The following ADAM29 variants were observed in gnomAD, a reference collection of about 807,000 sequenced individuals.
The protein encoded by ADAM29 is ADAM metallopeptidase domain 29.
For synonymous variants in ADAM29, 367 were observed against 342.3 expected (o/e 1.07, Z -0.80); for missense variants, 969 against 1,001.8 (o/e 0.97, Z 0.44).
chr4:174,963,069 A>T (rs964276699), intron 4 of ADAM29, among the ~76,000 whole-genome samples: 12 of 152,202 alleles, frequency 7.9e-5, no homozygotes, highest in Admixed American at 7.2e-4. Flanking sequence ...AGGTAGTCTC[A>T]TTAAAATACT....
chr4:174,959,968 A>T (rs1745714971), intron 4 of ADAM29, among the ~76,000 whole-genome samples: 1 of 152,004 alleles, frequency 6.6e-6, no homozygotes, highest in Non-Finnish European at 1.5e-5. Context: ...TCTTTGTAAC[A>T]ATGATTTTTA....
intron 4 of ADAM29, among the ~76,000 whole-genome samples, chr4:174,940,895 G>T (rs1354593793): frequency 1.3e-5 from 2 of 152,124 alleles, no homozygotes; most frequent in African/African-American, 4.8e-5. Flanking sequence ...TTTTAGCATG[G>T]TGCATAACCA....
chr4:174,936,451 C>T (rs1161833301), intron 3 of ADAM29, among the ~76,000 whole-genome samples: 2 of 151,904 alleles, frequency 1.3e-5, no homozygotes, highest in African/African-American at 4.8e-5. Flanking sequence ...GCAGAATATA[C>T]CATTTCCTAA....
chr4:174,938,798 C>T (rs951021148), intron 4 of ADAM29, among the ~76,000 whole-genome samples: 13 of 152,092 alleles, frequency 8.5e-5, no homozygotes, highest in African/African-American at 3.1e-4. Flanking sequence ...TTCATTCTCC[C>T]AAAATGTTGG....
intron 4 of ADAM29, among the ~76,000 whole-genome samples, chr4:174,955,709 A>T (rs1215171080): frequency 6.6e-6 from 1 of 152,082 alleles, no homozygotes; most frequent in Non-Finnish European, 1.5e-5. Context: ...TTGAAAAAAG[A>T]TCAAATATGT....
intron 4 of ADAM29, among the ~76,000 whole-genome samples, chr4:174,965,689 G>GTTTGCCTACCAT (rs1746118087): frequency 6.6e-6 from 1 of 152,010 alleles, no homozygotes; most frequent in Non-Finnish European, 1.5e-5. Flanking sequence ...TAAAAAAATG[G>GTTTGCCTACCAT]TTTGCCTACC....
At chr4:174,931,239 G>C (rs1254748836) in intron 3 of ADAM29, 65 bp downstream of exon 3, 2 of 152,142 alleles carry the variant, frequency 1.3e-5, no homozygotes, top group Non-Finnish European at 2.9e-5. Flanking sequence ...GCCAACACTG[G>C]CATGTGCGCA....
chr4:174,929,430 C>T (rs1410750204), intron 2 of ADAM29, among the ~76,000 whole-genome samples: 2 of 151,990 alleles, frequency 1.3e-5, no homozygotes, highest in African/African-American at 2.4e-5. Flanking sequence ...CACACAGCTA[C>T]GAAAATTTAG....
rs1377980641 is a variant in ADAM29, at chr4:174,976,698, A to C, written c.1173A>C (p.Thr391=). The C allele has an allele frequency of 6.2e-7, 1 of 1,613,956 alleles. No homozygotes were observed. The highest frequency in any genetic ancestry group is 8.5e-7 in the Non-Finnish European group (1 of 1,179,956). Residue 391 remains threonine (T), a synonymous_variant, in exon 5 of 5, where the codon ACA becomes ACC. Transcript: ENST00000359240. ...RTKCLLETVH[T]KDIFNVKRCG... ...AGTGTTTGCTTGAAACAGTACACACAAAGGACATCTTTAATGTGAAGCGCT... is the reference window on the plus strand; with the variant it reads ...AGTGTTTGCTTGAAACAGTACACACCAAGGACATCTTTAATGTGAAGCGCT...
chr4:174,946,964 A>C (rs1744883820), intron 4 of ADAM29, among the ~76,000 whole-genome samples: 1 of 152,154 alleles, frequency 6.6e-6, no homozygotes, highest in Admixed American at 6.5e-5. Flanking sequence ...TTCCTGGTTC[A>C]GTCTTGTGAC....
intron 4 of ADAM29, among the ~76,000 whole-genome samples, chr4:174,949,657 C>A (rs1275104654): frequency 6.6e-6 from 1 of 151,808 alleles, no homozygotes; most frequent in African/African-American, 2.4e-5. Context: ...TTGTAGGATG[C>A]CAGTCTGCCC....
chr4:174,945,578 C>G (rs1037279645), intron 4 of ADAM29, among the ~76,000 whole-genome samples: 1 of 152,060 alleles, frequency 6.6e-6, no homozygotes, highest in Non-Finnish European at 1.5e-5. Context: ...ATTCTTATGT[C>G]TAGAATTGTG....
Position 174,975,849 on chromosome 4 carries a change from G to C in ADAM29, c.324G>C (p.Gly108=), listed in dbSNP as rs530784377. The C allele has an allele frequency of 6.2e-7, 1 of 1,614,006 alleles. No homozygotes were observed. The highest frequency in any genetic ancestry group is 1.1e-5 in the South Asian group (1 of 91,044). The change falls in exon 5 of 5, where the codon GGG becomes GGC. Residue 108 remains glycine (G), a synonymous_variant. Coordinates refer to ENST00000359240, the MANE Select transcript of ADAM29 (RefSeq NM_014269.4). ...GCTACTATCATGGTTATGTGGAAGGGGACCCAGAATCCCTGGTTTCCCTCA... is the reference window on the plus strand; with the variant it reads ...GCTACTATCATGGTTATGTGGAAGGCGACCCAGAATCCCTGGTTTCCCTCA... ...NNCYYHGYVE[G]DPESLVSLST...
At chr4:174,966,159 A>T (rs1377846322) in intron 4 of ADAM29, among the ~76,000 whole-genome samples, 1 of 152,194 alleles carries the variant, frequency 6.6e-6, no homozygotes, top group Non-Finnish European at 1.5e-5. Flanking sequence ...TCTATTGTTT[A>T]GGGGGTAAAT....
chr4:174,923,799 C>G (rs1324091047), intron 2 of ADAM29: 1 of 152,128 alleles, frequency 6.6e-6, no homozygotes, highest in Non-Finnish European at 1.5e-5. Context: ...TGGGATATAA[C>G]TGTATTTATA....
At chr4:174,967,834 C>CA (rs1032006500) in intron 4 of ADAM29, among the ~76,000 whole-genome samples, 1 of 152,170 alleles carries the variant, frequency 6.6e-6, no homozygotes, top group Admixed American at 6.5e-5. Context: ...AACAATCGCA[C>CA]AAACTGATAT....
chr4:174,964,700 T>C (rs1746051704), intron 4 of ADAM29, among the ~76,000 whole-genome samples: 1 of 152,032 alleles, frequency 6.6e-6, no homozygotes, highest in Non-Finnish European at 1.5e-5. Flanking sequence ...TAAAACTGAG[T>C]TAATGGAATG....
At chr4:174,970,654 C>T (rs1320967670) in intron 4 of ADAM29, among the ~76,000 whole-genome samples, 1 of 152,084 alleles carries the variant, frequency 6.6e-6, no homozygotes, top group Non-Finnish European at 1.5e-5. Flanking sequence ...CTTTAAGACA[C>T]TGAGATTGTG....
At chr4:174,970,306 G>T in intron 4 of ADAM29, among the ~76,000 whole-genome samples, 1 of 152,082 alleles carries the variant, frequency 6.6e-6, no homozygotes. Context: ...TGAATCAGAT[G>T]ACCCTAAAAT....
Sources: gnomAD v4.1 joint callset for allele counts (sites outside exome capture counted in the v4.1 genomes callset) on GRCh38, gnomAD v4.1.1 for gene constraint, MANE v1.5 for transcripts, NCBI Gene and HGNC (gene_info 2026-07-23, HGNC 2026-07-21) for gene names.